Variants in CPNE3 observed in about 807,000 individuals in gnomAD.
The protein encoded by CPNE3 is copine-3.
A neutral mutation model predicts 63.9 loss-of-function variants in CPNE3; 68 were observed. That is an observed-to-expected ratio of 1.06 (90% CI 0.87 to 1.30). The LOEUF (loss-of-function observed/expected upper bound fraction) is 1.30. Ranked by LOEUF, CPNE3 falls within the 50% of genes most tolerant of loss-of-function variation. The probability of loss-of-function intolerance (pLI) is 0.00; values close to 1 mark genes in which losing one functional copy is unlikely to be tolerated. For missense variants in CPNE3, 665 were observed against 578.1 expected (o/e 1.15, Z -1.54); for synonymous variants, 219 against 197.5 (o/e 1.11, Z -0.91).
chr8:86,560,748 T>C lies in CPNE3; in HGVS notation c.*2338T>C, dbSNP rs1821423338. The stretch of plus-strand genomic sequence containing the variant: ...ATTTCTAAATTATCAGTTTTCACAG[T>C]TTCAGCACTCAACCTCATCATACGC... On this transcript the variant is annotated 3_prime_UTR_variant, in exon 17 of 17. Coordinates refer to ENST00000517490, the MANE Select transcript of CPNE3 (RefSeq NM_003909.5). 2 of 152,188 alleles carry C rather than the reference T, an allele frequency of 1.3e-5. No homozygotes were observed. The highest frequency in any genetic ancestry group is 1.3e-4 in the Admixed American group (2 of 15,272). 9.4% of individuals were successfully genotyped at this position (152,188 alleles called of 1,614,324 possible).
In CPNE3 at chr8:86,548,413, T is replaced by C; in HGVS notation, c.992T>C (p.Leu331Pro). Residue 331 changes from leucine (L) to proline (P), a missense_variant, in exon 12 of 17, where the codon CTG (leucine) becomes CCG (proline). Leu to Pro is a moderately conservative substitution (Grantham distance 98). Coordinates refer to ENST00000517490, the MANE Select transcript of CPNE3 (RefSeq NM_003909.5). ...TTGACTGCTCTCTGGTCTGTGGGAC[T>C]GGTCATTCAAGATTATGATGCGTGA... ...EYLTALWSVG[L>P]VIQDYDADKM... 1 of 1,614,176 alleles carries C rather than the reference T, an allele frequency of 6.2e-7. No homozygotes were observed. The highest frequency in any genetic ancestry group is 1.1e-5 in the South Asian group (1 of 91,082).
chr8:86,532,405 A>G, intron 5 of CPNE3, 104 bp from the exon 6 acceptor site: 1 of 668,020 alleles, frequency 1.5e-6, no homozygotes, highest in Admixed American at 3.0e-5. Flanking sequence ...GAATTCATTT[A>G]TATTAGTGTA....
intron 2 of CPNE3, among the ~76,000 whole-genome samples, chr8:86,518,818 G>T: frequency 6.6e-6 from 1 of 152,002 alleles, no homozygotes; most frequent in East Asian, 1.9e-4. Flanking sequence ...TGCCACCCAG[G>T]TTGGAGTGCA....
At chr8:86,548,805 T>A (rs971677714) in intron 12 of CPNE3, among the ~76,000 whole-genome samples, 18 of 152,080 alleles carry the variant, frequency 1.2e-4, no homozygotes, top group South Asian at 4.1e-4. Flanking sequence ...TTATAAATAC[T>A]GTTTATAAAT....
intron 12 of CPNE3, among the ~76,000 whole-genome samples, chr8:86,550,636 C>T (rs1221727993): frequency 6.6e-6 from 1 of 152,112 alleles, no homozygotes; most frequent in Non-Finnish European, 1.5e-5. Flanking sequence ...ATAAAAGCTA[C>T]CAATAACCTC....
At chr8:86,520,757 C>G (rs1435706576) in intron 2 of CPNE3, among the ~76,000 whole-genome samples, 7 of 147,916 alleles carry the variant, frequency 4.7e-5, no homozygotes, top group African/African-American at 1.7e-4. Context: ...CCTCTGGGTT[C>G]AAGTGATTCT....
At chr8:86,555,418 G>A (rs57619183) in intron 15 of CPNE3, among the ~76,000 whole-genome samples, 10,727 of 152,226 alleles carry the variant, frequency 0.07, 952 homozygotes, top group African/African-American at 0.22. Flanking sequence ...ATATTCAGAA[G>A]TAAGTTAGGG....
chr8:86,532,491 T>A lies in CPNE3; in HGVS notation c.388-18T>A. ...TTCCTAAAACATATTTTCTTTCACT[T>A]ACCTGATCTACTCATAGATTTCAGC... On this transcript the variant is annotated intron_variant, in intron 5 of 16. Transcript: ENST00000517490. 5 of 1,596,536 alleles carry A rather than the reference T, an allele frequency of 3.1e-6. No homozygotes were observed. Among genetic ancestry groups the A allele is most frequent in the Non-Finnish European group, 4.3e-6 (5 of 1,170,362 alleles).
intron 2 of CPNE3, among the ~76,000 whole-genome samples, chr8:86,524,245 G>A (rs1820492774): frequency 6.6e-6 from 1 of 152,142 alleles, no homozygotes; most frequent in African/African-American, 2.4e-5. Context: ...TGGGAAAAGA[G>A]GAAGTAGATA....
At chr8:86,514,871 C>T in intron 1 of CPNE3, 1 of 152,526 alleles carries the variant, frequency 6.6e-6, no homozygotes, top group Non-Finnish European at 1.5e-5. Context: ...TGGGGATAGG[C>T]TGGGATCCGC....
At position 86,544,798 on chromosome 8, in the gene CPNE3, C is replaced by A; in HGVS notation, c.692C>A (p.Thr231Asn). 6.3e-7 allele frequency: 1 copy of A among 1,594,664 alleles called. No individual in the cohort carries two copies. The highest frequency in any genetic ancestry group is 8.5e-7 in the Non-Finnish European group (1 of 1,169,846). The stretch of plus-strand genomic sequence containing the variant: ...CATGATCTCATTGGAACATTTCAGA[C>A]CACCATGACAAAACTGAAAGAAGCC... ...GSHDLIGTFQ[T>N]TMTKLKEASR... The change falls in exon 9 of 17, where the codon ACC (threonine) becomes AAC (asparagine). Residue 231 changes from threonine to asparagine, a missense_variant. Physicochemically the swap from Thr to Asn is moderately conservative, Grantham distance 65. Coordinates refer to ENST00000517490, the MANE Select transcript of CPNE3 (RefSeq NM_003909.5).
At chr8:86,553,551 G>A (rs1821240147) in intron 14 of CPNE3, among the ~76,000 whole-genome samples, 1 of 152,122 alleles carries the variant, frequency 6.6e-6, no homozygotes, top group Non-Finnish European at 1.5e-5. Context: ...TTTAACCTAG[G>A]AGTAATAGGC....
intron 14 of CPNE3, among the ~76,000 whole-genome samples, chr8:86,552,965 C>CCG (rs1821221483): frequency 7.3e-5 from 1 of 13,754 alleles, no homozygotes; most frequent in Non-Finnish European, 6.2e-4. Context: ...ACAGCCCGCC[C>CCG]CCCCCCCCCC....
At chr8:86,544,878 G>A (rs1249482529) in intron 9 of CPNE3, 40 bp downstream of exon 9, 1 of 1,241,486 alleles carries the variant, frequency 8.1e-7, no homozygotes, top group South Asian at 1.4e-5. Flanking sequence ...TTTATAGTTT[G>A]GCTATGTATT....
intron 14 of CPNE3, chr8:86,551,500 T>G (rs1169420342): frequency 3.0e-6 from 1 of 336,440 alleles, no homozygotes; most frequent in Non-Finnish European, 5.3e-6. Flanking sequence ...CTTAAGAACT[T>G]TAATAGGACA....
chr8:86,549,503 G>T (rs1821125161), intron 12 of CPNE3, among the ~76,000 whole-genome samples: 1 of 152,144 alleles, frequency 6.6e-6, no homozygotes, highest in Admixed American at 6.5e-5. Context: ...AGTGAATTTA[G>T]GGGAGGGGGT....
chr8:86,538,522 A>C (rs1820857145), intron 7 of CPNE3, among the ~76,000 whole-genome samples: 1 of 152,214 alleles, frequency 6.6e-6, no homozygotes, highest in Non-Finnish European at 1.5e-5. Context: ...CAGTTGTCCC[A>C]CAGGTTTTGT....
At chr8:86,547,520 T>C (rs1265159119) in intron 10 of CPNE3, 191 bp from the exon 11 acceptor site, 6 of 524,698 alleles carry the variant, frequency 1.1e-5, no homozygotes, top group Admixed American at 3.7e-5. Flanking sequence ...GCTACAATTA[T>C]CTTGAAGCAG....
chr8:86,536,437 A>G (rs1211454073), intron 6 of CPNE3, among the ~76,000 whole-genome samples: 9 of 151,704 alleles, frequency 5.9e-5, no homozygotes, highest in South Asian at 4.2e-4. Flanking sequence ...TTAGCCTTCA[A>G]AATAATAACA....
Sources: allele counts gnomAD v4.1 joint callset (sites outside exome capture counted in the v4.1 genomes callset), GRCh38; gene constraint gnomAD v4.1.1; transcripts MANE v1.5; gene names NCBI Gene and HGNC (gene_info 2026-07-23, HGNC 2026-07-21).